SLC17A8: variants seen among roughly 807,000 people sequenced by gnomAD.
SLC17A8 encodes vesicular glutamate transporter 3.
A neutral mutation model predicts 58.0 loss-of-function variants in SLC17A8; 31 were observed. The ratio of observed to expected loss-of-function variants is 0.53; its 90% CI spans 0.40 to 0.72. The LOEUF (loss-of-function observed/expected upper bound fraction) is 0.72. Ranked by LOEUF, SLC17A8 falls within the 30% of genes least tolerant of loss-of-function variation. SLC17A8 has a pLI of 0.00. For synonymous variants in SLC17A8, 228 were observed against 249.0 expected, an observed-to-expected ratio of 0.92 and a Z score of 0.79; for missense variants, 655 against 727.8, an observed-to-expected ratio of 0.90 and a Z score of 1.15.
intron 10 of SLC17A8, among the ~76,000 whole-genome samples, chr12:100,415,146 T>G (rs1456583403): frequency 6.6e-6 from 1 of 152,184 alleles, no homozygotes; most frequent in Non-Finnish European, 1.5e-5. Flanking sequence ...TCACATAAAC[T>G]GCTTTTTTGT....
At chr12:100,416,996 C>T (rs1026756678) in intron 10 of SLC17A8, among the ~76,000 whole-genome samples, 2 of 152,206 alleles carry the variant, frequency 1.3e-5, no homozygotes, top group South Asian at 4.1e-4. Flanking sequence ...ACCTCCAACT[C>T]CTGGGTTCAA....
At chr12:100,378,024 G>T (rs1219407026) in intron 1 of SLC17A8, among the ~76,000 whole-genome samples, 1 of 152,150 alleles carries the variant, frequency 6.6e-6, no homozygotes, top group African/African-American at 2.4e-5. Context: ...CCTTTTAGGT[G>T]TCCAAGGAGA....
intron 1 of SLC17A8, among the ~76,000 whole-genome samples, chr12:100,364,591 C>A (rs914351536): frequency 6.6e-6 from 1 of 152,180 alleles, no homozygotes; most frequent in East Asian, 1.9e-4. Flanking sequence ...GTCAGCCTGC[C>A]TATCGTCTGT....
At chr12:100,418,202 G>C in intron 11 of SLC17A8, 46 bp downstream of exon 11, 4 of 1,612,016 alleles carry the variant, frequency 2.5e-6, no homozygotes, top group Non-Finnish European at 3.4e-6. Flanking sequence ...CAGAGGACTG[G>C]AGCTCTACAC....
chr12:100,380,809 C>A lies in SLC17A8; in HGVS notation c.210C>A (p.Cys70Ter). ...PSPPLCDCHC[C>*]GLPKRYIIAI... ...CCCCACTCTGCGACTGCCACTGCTG[C>A]GGCCTCCCCAAGCGTTACATCATTG... Residue 70 changes from cysteine to a stop codon, truncating the protein, a stop_gained, in exon 2 of 12, where the codon TGC (cysteine) becomes TGA (stop). Coordinates refer to ENST00000323346, the MANE Select transcript of SLC17A8 (RefSeq NM_139319.3). LOFTEE classifies it high-confidence loss of function. 1 of 1,614,124 alleles carries A rather than the reference C, an allele frequency of 6.2e-7. No homozygotes were observed. Among genetic ancestry groups the A allele is most frequent in the African/African-American group, 1.3e-5 (1 of 75,022 alleles).
chr12:100,376,195 GA>G (rs1413600028), intron 1 of SLC17A8, among the ~76,000 whole-genome samples: 1 of 152,174 alleles, frequency 6.6e-6, no homozygotes, highest in Non-Finnish European at 1.5e-5. Flanking sequence ...AGAATTGTAG[GA>G]AAATACATTT....
intron 9 of SLC17A8, 65 bp downstream of exon 9, chr12:100,404,235 G>C (rs76334646): frequency 6.3e-7 from 1 of 1,597,124 alleles, no homozygotes; most frequent in African/African-American, 1.3e-5. Flanking sequence ...GAACTGCAGA[G>C]CATATATTAA....
At chr12:100,417,036 G>C (rs1952911024) in intron 10 of SLC17A8, among the ~76,000 whole-genome samples, 1 of 152,166 alleles carries the variant, frequency 6.6e-6, no homozygotes, top group Non-Finnish European at 1.5e-5. Context: ...CTCCCAAGTA[G>C]CTGGGATTAC....
At chr12:100,417,338 C>T (rs1952913856) in intron 10 of SLC17A8, among the ~76,000 whole-genome samples, 1 of 152,176 alleles carries the variant, frequency 6.6e-6, no homozygotes, top group Admixed American at 6.5e-5. Context: ...ACCTATTTCC[C>T]CTGAGTCTCT....
chr12:100,399,175 C>T (rs990224764), intron 5 of SLC17A8, among the ~76,000 whole-genome samples: 2 of 152,112 alleles, frequency 1.3e-5, no homozygotes, highest in Admixed American at 1.3e-4. Context: ...GGCTCTTTCT[C>T]ACCCCCAGTT....
chr12:100,363,809 C>T (rs150710247), intron 1 of SLC17A8, among the ~76,000 whole-genome samples: 10 of 152,018 alleles, frequency 6.6e-5, no homozygotes, highest in East Asian at 3.9e-4. Flanking sequence ...GGGAGGCCAA[C>T]GCAGATGGAT....
chr12:100,387,569 G>C (rs999569814), intron 2 of SLC17A8, among the ~76,000 whole-genome samples: 7 of 152,182 alleles, frequency 4.6e-5, no homozygotes, highest in African/African-American at 1.7e-4. Context: ...AGAAAGGGAT[G>C]TTGTGATTGA....
chr12:100,420,184 T>C lies in SLC17A8; in HGVS notation c.*25T>C. On this transcript the variant is annotated 3_prime_UTR_variant, in exon 12 of 12. Transcript: ENST00000323346. ...ATGTCTGAGAGGCACTTCTGTCTTC[T>C]CCTTACTTTAGAAACAGAAAGTATC... is the stretch of plus-strand genomic sequence containing the variant. The C allele has an allele frequency of 4.4e-6, 7 of 1,581,276 alleles. No individual in the cohort carries two copies. The highest frequency in any genetic ancestry group is 6.0e-6 in the Non-Finnish European group (7 of 1,157,362).
At chr12:100,370,933 A>T (rs1952554785) in intron 1 of SLC17A8, among the ~76,000 whole-genome samples, 2 of 147,512 alleles carry the variant, frequency 1.4e-5, no homozygotes, top group South Asian at 4.4e-4. Context: ...GACTTTCTGA[A>T]ATTATAATCT....
At position 100,419,802 on chromosome 12, in the gene SLC17A8, T is replaced by C. The variant is rs1403784287; in HGVS notation, c.1426-13T>C. 1.2e-6 allele frequency: 2 copies of C among 1,611,436 alleles called. No individual in the cohort carries two copies. The highest frequency in any genetic ancestry group is 1.7e-6 in the Non-Finnish European group (2 of 1,179,492). On this transcript the variant is annotated splice_polypyrimidine_tract_variant and intron_variant, in intron 11 of 11. Coordinates refer to ENST00000323346, the MANE Select transcript of SLC17A8 (RefSeq NM_139319.3). ...AGTTAAAACATTAATTGGCACTTTA[T>C]TTCCTTATTTAGACCCGTGAAGAAT...
rs113187613 is a variant in SLC17A8 at position 100,419,320 on chromosome 12, G to A, written c.1426-495G>A. 5.1e-3 allele frequency among the ~76,000 whole-genome samples: 774 copies of A among 152,214 alleles called. 10 individuals are homozygous for A. Among genetic ancestry groups the A allele is most frequent in the African/African-American group, 0.018 (738 of 41,538 alleles). ...GAGGCCAAGGCGGGTGGATCATGAGGTCAGGAGATCGAGACCATCCTGGCT... is the reference window on the plus strand; with the variant it reads ...GAGGCCAAGGCGGGTGGATCATGAGATCAGGAGATCGAGACCATCCTGGCT... On this transcript the variant is annotated intron_variant, in intron 11 of 11. Transcript: ENST00000323346.
chr12:100,378,458 A>G (rs1325482077), intron 1 of SLC17A8, among the ~76,000 whole-genome samples: 1 of 152,106 alleles, frequency 6.6e-6, no homozygotes, highest in African/African-American at 2.4e-5. Flanking sequence ...AGAGGAATTG[A>G]AGACAGTCAT....
intron 9 of SLC17A8, 32 bp downstream of exon 9, chr12:100,404,202 C>A: frequency 2.5e-6 from 4 of 1,613,728 alleles, no homozygotes; most frequent in South Asian, 2.2e-5. Context: ...GCTTAGGCAG[C>A]TTTTGTAGAA....
chr12:100,420,014 C>T lies in SLC17A8; in HGVS notation c.1625C>T (p.Pro542Leu), dbSNP rs764068006. 1.9e-6 allele frequency: 3 copies of T among 1,613,704 alleles called. No homozygotes were observed. The highest frequency in any genetic ancestry group is 1.7e-6 in the Non-Finnish European group (2 of 1,179,910). Residue 542 changes from proline to leucine, a missense_variant, in exon 12 of 12, where the codon CCC becomes CTC. Physicochemically the swap from Pro to Leu is moderately conservative, Grantham distance 98. Coordinates refer to ENST00000323346, the MANE Select transcript of SLC17A8 (RefSeq NM_139319.3). Reference protein sequence around the residue: ...IELNHESFASPKKKMSYGATS... With the variant: ...IELNHESFASLKKKMSYGATS... Reference sequence around the variant, plus strand: ...CTCAACCATGAGAGTTTTGCGAGTCCCAAAAAGAAGATGTCTTATGGAGCC... The same window carrying T: ...CTCAACCATGAGAGTTTTGCGAGTCTCAAAAAGAAGATGTCTTATGGAGCC...
Sources: gnomAD v4.1 joint callset for allele counts (sites outside exome capture counted in the v4.1 genomes callset) on GRCh38, gnomAD v4.1.1 for gene constraint, MANE v1.5 for transcripts, NCBI Gene and HGNC (gene_info 2026-07-23, HGNC 2026-07-21) for gene names.